The following INTS8 variants were observed in gnomAD, a reference collection of about 807,000 sequenced individuals.
INTS8 encodes the protein integrator complex subunit 8.
Under a neutral mutation model 138.9 loss-of-function variants are expected in INTS8, and 47 were observed. The ratio of observed to expected loss-of-function variants is 0.34; its 90% confidence interval spans 0.27 to 0.43. The LOEUF is 0.43. INTS8 is among the 20% of genes least tolerant of loss of function. INTS8 has a pLI of 1.00. For synonymous variants in INTS8, 392 were observed against 400.9 expected (o/e 0.98, Z 0.27); for missense variants, 996 against 1,173.0 (o/e 0.85, Z 2.20).
intron 15 of INTS8, among the ~76,000 whole-genome samples, chr8:94,859,306 G>A (rs1355063294): frequency 3.3e-5 from 5 of 151,344 alleles, no homozygotes; most frequent in African/African-American, 1.2e-4. Context: ...TTGAGACAAG[G>A]TCTCACTCTG....
In INTS8 at chr8:94,881,530, G is replaced by T; in HGVS notation, c.*1296G>T. ...CAGTGTAACTTGTGAATTGGCTAGG[G>T]CAATCAATCACAGCACTACTTTCTG... On this transcript the variant is annotated 3_prime_UTR_variant, in exon 27 of 27. Coordinates refer to ENST00000523731, the MANE Select transcript of INTS8 (RefSeq NM_017864.4). 8.6e-7 allele frequency: 1 copy of T among 1,159,758 alleles called. No individual in the cohort carries two copies. Among genetic ancestry groups the T allele is most frequent in the Non-Finnish European group, 1.2e-6 (1 of 815,026 alleles). 71.8% of individuals were successfully genotyped at this position (1,159,758 alleles called of 1,614,324 possible).
intron 26 of INTS8, among the ~76,000 whole-genome samples, chr8:94,876,801 G>C (rs1816581013): frequency 6.6e-6 from 1 of 152,128 alleles, no homozygotes; most frequent in Non-Finnish European, 1.5e-5. Context: ...CTGTCCGTCT[G>C]ACTTTTCCTC....
intron 14 of INTS8, 132 bp from the exon 15 acceptor site, chr8:94,856,645 G>C: frequency 1.4e-6 from 1 of 690,026 alleles, no homozygotes; most frequent in Non-Finnish European, 2.6e-6. Context: ...ATACTATCTA[G>C]CCTTACTGCC....
chr8:94,863,642 T>C (rs1389275995), intron 16 of INTS8, among the ~76,000 whole-genome samples: 1 of 152,230 alleles, frequency 6.6e-6, no homozygotes, highest in African/African-American at 2.4e-5. Context: ...CCACACATAG[T>C]AGGTGCTCAA....
At chr8:94,863,007 G>C (rs1386693821) in intron 16 of INTS8, among the ~76,000 whole-genome samples, 1 of 152,106 alleles carries the variant, frequency 6.6e-6, no homozygotes, top group Non-Finnish European at 1.5e-5. Flanking sequence ...ATCACAAATA[G>C]GAACAGAAAA....
rs767465600 is a variant in INTS8 at position 94,853,849 on chromosome 8, A to G, written c.1686A>G (p.Lys562=). The G allele has an allele frequency of 1.9e-6, 3 of 1,612,154 alleles. No individual in the cohort carries two copies. The highest frequency in any genetic ancestry group is 2.7e-5 in the African/African-American group (2 of 74,886). Reference sequence around the variant, plus strand: ...ATAGTGGTGTTATCCTGGGAATTAAAGACAATTTAACAAGAGATTTGGTTT... The same window carrying G: ...ATAGTGGTGTTATCCTGGGAATTAAGGACAATTTAACAAGAGATTTGGTTT... ...SVYSGVILGI[K]DNLTRDLVYI... is the part of the protein sequence containing the mutation. The change falls in exon 14 of 27, where the codon AAA becomes AAG. Residue 562 remains lysine (K), a synonymous_variant. Transcript: ENST00000523731.
At chr8:94,855,050 C>G (rs1454909203) in intron 14 of INTS8, among the ~76,000 whole-genome samples, 1 of 151,872 alleles carries the variant, frequency 6.6e-6, no homozygotes, top group Non-Finnish European at 1.5e-5. Context: ...GTGGCTGGAA[C>G]TTGCTGGAAA....
chr8:94,825,228 T>G (rs1286073625), intron 2 of INTS8, among the ~76,000 whole-genome samples, 161 bp downstream of exon 2: 1 of 152,078 alleles, frequency 6.6e-6, no homozygotes, highest in African/African-American at 2.4e-5. Context: ...GGCTGGCAGA[T>G]TACTTGAGGT....
chr8:94,826,396 C>T (rs992068244), intron 2 of INTS8, among the ~76,000 whole-genome samples: 6 of 152,214 alleles, frequency 3.9e-5, no homozygotes, highest in Non-Finnish European at 8.8e-5. Context: ...ATTCTCCTGC[C>T]TCAGCCTCCC....
intron 6 of INTS8, among the ~76,000 whole-genome samples, chr8:94,836,159 T>G (rs1226062421): frequency 6.6e-6 from 1 of 152,160 alleles, no homozygotes; most frequent in Non-Finnish European, 1.5e-5. Flanking sequence ...CAGGGTCTGG[T>G]CCGGGTGGCT....
intron 8 of INTS8, among the ~76,000 whole-genome samples, chr8:94,841,012 A>C (rs561274606): frequency 6.6e-6 from 1 of 151,416 alleles, no homozygotes; most frequent in African/African-American, 2.4e-5. Context: ...TCCTGAGTTC[A>C]AGCAGTTCTC....
chr8:94,839,442 G>A (rs571563932), intron 8 of INTS8, among the ~76,000 whole-genome samples: 16 of 152,224 alleles, frequency 1.1e-4, no homozygotes, highest in Admixed American at 8.5e-4. Context: ...AAATGATAAA[G>A]CCATAACTTA....
At chr8:94,827,502 G>C (rs1246827697) in intron 3 of INTS8, 99 bp downstream of exon 3, 3 of 1,395,190 alleles carry the variant, frequency 2.2e-6, no homozygotes, top group Non-Finnish European at 3.0e-6. Context: ...TCTGCTGCAG[G>C]GATTTTTCAA....
chr8:94,872,726 A>G (rs574541801), intron 21 of INTS8, among the ~76,000 whole-genome samples: 1 of 152,324 alleles, frequency 6.6e-6, no homozygotes, highest in African/African-American at 2.4e-5. Context: ...GAAACTTTCA[A>G]TGCTTCTATT....
chr8:94,828,342 G>C (rs1814589096), intron 4 of INTS8, among the ~76,000 whole-genome samples: 1 of 152,098 alleles, frequency 6.6e-6, no homozygotes, highest in Admixed American at 6.6e-5. Flanking sequence ...CACCCAGCCT[G>C]ATATTTTTTT....
intron 16 of INTS8, among the ~76,000 whole-genome samples, chr8:94,861,843 G>A (rs779853020): frequency 6.6e-6 from 1 of 151,498 alleles, no homozygotes; most frequent in Non-Finnish European, 1.5e-5. Flanking sequence ...GAGCCACCGC[G>A]CCCGGCCCGG....
chr8:94,850,611 CAAAAAAAAAAAA>C (rs11313192), intron 12 of INTS8, among the ~76,000 whole-genome samples: 1 of 93,260 alleles, frequency 1.1e-5, no homozygotes, highest in African/African-American at 4.1e-5. Flanking sequence ...GACTCCGACT[CAAAAAAAAAAAA>C]AAAAAAAAGA....
rs775500307 is a variant in INTS8 at position 94,841,588 on chromosome 8, A to G, written c.1115A>G (p.Gln372Arg). The G allele has an allele frequency of 6.5e-7, 1 of 1,527,472 alleles. No homozygotes were observed. Among genetic ancestry groups the G allele is most frequent in the Non-Finnish European group, 9.0e-7 (1 of 1,115,582 alleles). The allele number at this position is 1,527,472 out of a possible 1,614,324, so 94.6% of individuals were successfully genotyped here. ...AGAGAACTCTTTAAGAAAGCTCAAC[A>G]GGGGTAAGTAAGTTGAAAAATTACT... ...VLRELFKKAQ[Q>R]GNEALDEICF... Residue 372 changes from glutamine (Q) to arginine (R), a missense_variant, in exon 9 of 27, where the codon CAG (glutamine) becomes CGG (arginine). Coordinates refer to ENST00000523731, the MANE Select transcript of INTS8 (RefSeq NM_017864.4).
intron 13 of INTS8, 95 bp downstream of exon 13, chr8:94,851,781 A>G: frequency 1.0e-6 from 1 of 982,064 alleles, no homozygotes; most frequent in Non-Finnish European, 1.5e-6. Flanking sequence ...GATAATAAGG[A>G]CCTCTTACTT....
Sources: allele counts gnomAD v4.1 joint callset (sites outside exome capture counted in the v4.1 genomes callset), GRCh38; gene constraint gnomAD v4.1.1; transcripts MANE v1.5; gene names NCBI Gene and HGNC (gene_info 2026-07-23, HGNC 2026-07-21).